The following LRRTM4 variants were observed in gnomAD, a reference collection of about 807,000 sequenced individuals.
LRRTM4 encodes leucine rich repeat transmembrane neuronal 4, also known as leucine-rich repeat transmembrane neuronal protein 4.
LRRTM4 carries 25 observed loss-of-function variants against 47.6 expected under a neutral mutation model. The observed-to-expected ratio is 0.53, with a 90% CI of 0.38 to 0.73. LRRTM4 has a LOEUF of 0.73. LRRTM4 is among the 30% of genes least tolerant of loss of function. The pLI is 0.00. For missense variants in LRRTM4, 638 were observed against 713.4 expected, an observed-to-expected ratio of 0.89 and a Z score of 1.20; for synonymous variants, 311 against 269.5, an observed-to-expected ratio of 1.15 and a Z score of -1.51.
At chr2:77,454,730 G>C (rs1390663691) in intron 3 of LRRTM4, among the ~76,000 whole-genome samples, 1 of 152,058 alleles carries the variant, frequency 6.6e-6, no homozygotes, top group African/African-American at 2.4e-5. Flanking sequence ...AAAAAGTATA[G>C]ATGAGCTAGT....
intron 3 of LRRTM4, among the ~76,000 whole-genome samples, chr2:76,863,728 T>G (rs1418646515): frequency 6.6e-6 from 1 of 152,200 alleles, no homozygotes; most frequent in Admixed American, 6.5e-5. Context: ...CACCTCCATA[T>G]TAATAGAAAA....
intron 3 of LRRTM4, among the ~76,000 whole-genome samples, chr2:77,321,973 A>G (rs1677806548): frequency 6.6e-6 from 1 of 152,184 alleles, no homozygotes. Context: ...ATTATTTCAA[A>G]TTGAAATTTA....
At chr2:76,911,115 T>G (rs556046794) in intron 3 of LRRTM4, among the ~76,000 whole-genome samples, 1 of 152,300 alleles carries the variant, frequency 6.6e-6, no homozygotes, top group South Asian at 2.1e-4. Flanking sequence ...TAAAACATAT[T>G]TTTTGGTTTA....
chr2:77,364,006 T>C (rs982045690), intron 3 of LRRTM4, among the ~76,000 whole-genome samples: 1 of 152,002 alleles, frequency 6.6e-6, no homozygotes, highest in Admixed American at 6.6e-5. Context: ...TTACTGAAGA[T>C]AAATGAGCTG....
chr2:76,907,516 G>C (rs1456185275), intron 3 of LRRTM4, among the ~76,000 whole-genome samples: 2 of 146,382 alleles, frequency 1.4e-5, no homozygotes, highest in Non-Finnish European at 3.0e-5. Flanking sequence ...AGGAAATAGA[G>C]ACACAAAAAA....
chr2:77,055,685 A>C (rs1679579995), intron 3 of LRRTM4, among the ~76,000 whole-genome samples: 1 of 152,054 alleles, frequency 6.6e-6, no homozygotes, highest in Non-Finnish European at 1.5e-5. Flanking sequence ...CCATCCCATT[A>C]CTGGGTATAT....
At chr2:76,783,530 G>A (rs776179076) in intron 3 of LRRTM4, among the ~76,000 whole-genome samples, 47 of 152,096 alleles carry the variant, frequency 3.1e-4, no homozygotes, top group Non-Finnish European at 5.1e-4. Flanking sequence ...CTATTAAGGC[G>A]TAACTCCCCG....
At chr2:77,395,762 T>C (rs1673676610) in intron 3 of LRRTM4, among the ~76,000 whole-genome samples, 1 of 151,822 alleles carries the variant, frequency 6.6e-6, no homozygotes, top group African/African-American at 2.4e-5. Context: ...GAAATATCTA[T>C]GCTTTAAGTC....
intron 3 of LRRTM4, among the ~76,000 whole-genome samples, chr2:77,516,459 C>T (rs12467262): frequency 0.045 from 6,876 of 151,756 alleles, 326 homozygotes; most frequent in Admixed American, 0.16. Context: ...GATTCTTAAA[C>T]ATAAAAGTTA....
rs1203203322 is a variant in LRRTM4 at position 76,968,363 on chromosome 2, T to TACACACAC, written c.1552-219448_1552-219447insGTGTGTGT. On this transcript the variant is annotated intron_variant, in intron 3 of 3. Transcript: ENST00000409884. The stretch of plus-strand genomic sequence containing the variant: ...GTGTATATATATATATATATATATA[T>TACACACAC]ATATATATATATATATATATACACA... 3.4e-3 allele frequency among the ~76,000 whole-genome samples: 449 copies of TACACACAC among 131,820 alleles called. 13 individuals carry two copies. Among genetic ancestry groups the TACACACAC allele is most frequent in the Non-Finnish European group, 5.2e-3 (323 of 62,188 alleles). 86.5% of individuals were successfully genotyped at this position (131,820 alleles called of 152,430 possible). A position where few individuals can be genotyped will look rare whatever the true frequency, so the allele number is the denominator to read the frequency against.
chr2:76,814,354 A>G (rs1670835309), intron 3 of LRRTM4, among the ~76,000 whole-genome samples: 2 of 152,072 alleles, frequency 1.3e-5, no homozygotes. Flanking sequence ...AAAGAATTGT[A>G]GTAAGCTAAG....
At chr2:76,817,791 A>C (rs1480093976) in intron 3 of LRRTM4, among the ~76,000 whole-genome samples, 2 of 151,962 alleles carry the variant, frequency 1.3e-5, no homozygotes, top group Non-Finnish European at 2.9e-5. Flanking sequence ...TAACGATCCT[A>C]TCAAATTTGC....
chr2:77,199,138 A>G (rs184058446), intron 3 of LRRTM4, among the ~76,000 whole-genome samples: 6 of 152,296 alleles, frequency 3.9e-5, no homozygotes, highest in Non-Finnish European at 7.3e-5. Context: ...TAATCTCTAT[A>G]GGGACATTAA....
At chr2:77,431,264 T>TA (rs1675367150) in intron 3 of LRRTM4, among the ~76,000 whole-genome samples, 1 of 146,760 alleles carries the variant, frequency 6.8e-6, no homozygotes, top group Non-Finnish European at 1.5e-5. Context: ...AATAATACAA[T>TA]TTTTTTTTTG....
intron 3 of LRRTM4, among the ~76,000 whole-genome samples, chr2:76,798,661 A>G (rs1305787395): frequency 1.3e-5 from 2 of 151,434 alleles, no homozygotes; most frequent in Non-Finnish European, 2.9e-5. Context: ...TGAATCCAGG[A>G]GCTGGTTTTT....
intron 3 of LRRTM4, among the ~76,000 whole-genome samples, chr2:76,881,925 G>T (rs577222805): frequency 6.6e-6 from 1 of 152,030 alleles, no homozygotes. Flanking sequence ...TCAGAAATAC[G>T]CTGTGAATCT....
At chr2:77,505,809 G>T (rs928587035) in intron 3 of LRRTM4, among the ~76,000 whole-genome samples, 1 of 151,474 alleles carries the variant, frequency 6.6e-6, no homozygotes, top group Non-Finnish European at 1.5e-5. Context: ...AGGGGACATA[G>T]AAAGGAATGA....
intron 3 of LRRTM4, among the ~76,000 whole-genome samples, chr2:76,950,275 A>G (rs1225150619): frequency 6.6e-6 from 1 of 151,896 alleles, no homozygotes; most frequent in African/African-American, 2.4e-5. Context: ...CTCTATGGTA[A>G]TGTTACATTT....
chr2:77,181,268 G>C (rs990287722), intron 3 of LRRTM4, among the ~76,000 whole-genome samples: 12 of 152,052 alleles, frequency 7.9e-5, no homozygotes, highest in African/African-American at 2.9e-4. Flanking sequence ...ATTCTATTTT[G>C]GAATACCAGT....
Sources: allele counts gnomAD v4.1 joint callset (sites outside exome capture counted in the v4.1 genomes callset), GRCh38; gene constraint gnomAD v4.1.1; transcripts MANE v1.5; gene names NCBI Gene and HGNC (gene_info 2026-07-23, HGNC 2026-07-21).